RPS6KA2: variants seen among roughly 807,000 people sequenced by gnomAD.
The protein encoded by RPS6KA2 is ribosomal protein S6 kinase A2, also known as ribosomal protein S6 kinase alpha-2.
In RPS6KA2, 42 loss-of-function variants were observed where a neutral mutation model predicts 91.8. The observed-to-expected ratio is 0.46, with a 90% CI of 0.36 to 0.59. The LOEUF (loss-of-function observed/expected upper bound fraction) is 0.59, where lower values mean the gene tolerates loss of function less well. Among genes scored for constraint, RPS6KA2 ranks in the 20% least tolerant of loss-of-function variants. The pLI is 0.00. For synonymous variants in RPS6KA2, 414 were observed against 393.6 expected, an observed-to-expected ratio of 1.05 and a Z score of -0.61; for missense variants, 798 against 978.5, an observed-to-expected ratio of 0.82 and a Z score of 2.46.
chr6:166,597,453 G>A (rs148768811), intron 1 of RPS6KA2, among the ~76,000 whole-genome samples: 1,908 of 152,336 alleles, frequency 0.013, 29 homozygotes, highest in Non-Finnish European at 0.016. Flanking sequence ...GGAAAAGGAC[G>A]GCAGTGGAGC....
At chr6:166,746,996 T>C (rs977198622) in intron 2 of RPS6KA2, among the ~76,000 whole-genome samples, 1 of 152,340 alleles carries the variant, frequency 6.6e-6, no homozygotes, top group Admixed American at 6.5e-5. Context: ...CCGTGCCCTC[T>C]GGGCAGCACG....
chr6:166,585,080 G>GAA (rs1785126537), intron 1 of RPS6KA2, among the ~76,000 whole-genome samples: 1 of 152,030 alleles, frequency 6.6e-6, no homozygotes, highest in African/African-American at 2.4e-5. Flanking sequence ...TGGTGACGAT[G>GAA]TTGCTACAAC....
At position 166,690,871 on chromosome 6, in the gene RPS6KA2, G is replaced by C. The variant is rs867495828; in HGVS notation, c.124-152087C>G. On this transcript the variant is annotated intron_variant, in intron 2 of 21. Transcript: ENST00000503859. Reference sequence around the variant, plus strand: ...GACCACGGAGACCCTGAACAGGCATGCTGTGGACAGGTGTTTACAGGGCTT... The same window carrying C: ...GACCACGGAGACCCTGAACAGGCATCCTGTGGACAGGTGTTTACAGGGCTT... Among the ~76,000 whole-genome samples, 9 of 152,090 alleles carry C rather than the reference G, an allele frequency of 5.9e-5. No homozygotes were observed. In the South Asian group the frequency reaches 6.2e-4, roughly 11 times the overall value.
At chr6:166,472,951 G>A (rs946145167) in intron 10 of RPS6KA2, among the ~76,000 whole-genome samples, 11 of 152,044 alleles carry the variant, frequency 7.2e-5, no homozygotes. Flanking sequence ...CTTAATGCAG[G>A]GCAAATAGGA....
At position 166,635,096 on chromosome 6, in the gene RPS6KA2, G is replaced by A. The variant is rs896122119; in HGVS notation, c.124-96312C>T. 6.6e-5 allele frequency among the ~76,000 whole-genome samples: 10 copies of A among 152,002 alleles called. No homozygotes were observed. The highest frequency in any genetic ancestry group is 3.3e-4 in the Admixed American group (5 of 15,288). ...GATAACGGAGAGCCAACGGTAGTAC[G>A]TGAAAGTGACCGTGTGGGGCATACT... On this transcript the variant is annotated intron_variant, in intron 2 of 21. Coordinates refer to the RPS6KA2 transcript ENST00000503859. The surrounding 1 kb of genome is among the most constrained non-coding windows in gnomAD (Gnocchi z 4.8).
chr6:166,838,496 T>C (rs7738858), intron 2 of RPS6KA2, among the ~76,000 whole-genome samples: 7,949 of 152,196 alleles, frequency 0.052, 727 homozygotes, highest in African/African-American at 0.18. Context: ...AAAATACAAA[T>C]ATAAAACAAA....
At chr6:166,824,647 G>C (rs576356981) in intron 2 of RPS6KA2, among the ~76,000 whole-genome samples, 23 of 14,388 alleles carry the variant, frequency 1.6e-3, no homozygotes, top group African/African-American at 2.6e-3. Context: ...CTGTATGTCT[G>C]TGTGTGTGTG....
intron 2 of RPS6KA2, among the ~76,000 whole-genome samples, chr6:166,734,923 T>C (rs970118964): frequency 6.6e-6 from 1 of 152,254 alleles, no homozygotes; most frequent in Non-Finnish European, 1.5e-5. Flanking sequence ...TCCTATCCTC[T>C]TGTTATGGCA....
At chr6:166,534,421 A>G (rs941683940) in intron 2 of RPS6KA2, among the ~76,000 whole-genome samples, 3 of 152,066 alleles carry the variant, frequency 2.0e-5, no homozygotes, top group Non-Finnish European at 4.4e-5. Flanking sequence ...TACATGACGG[A>G]TTTGTGTTTG....
chr6:166,513,683 G>A (rs964178546), intron 3 of RPS6KA2, among the ~76,000 whole-genome samples: 2 of 152,196 alleles, frequency 1.3e-5, no homozygotes, highest in Non-Finnish European at 2.9e-5. Context: ...AAACGCTGGG[G>A]AGGAAAAGGG....
chr6:166,718,092 C>G (rs948963904), intron 2 of RPS6KA2, among the ~76,000 whole-genome samples: 3 of 152,222 alleles, frequency 2.0e-5, no homozygotes, highest in African/African-American at 7.2e-5. Context: ...TGGTGATCCA[C>G]CCACCTCGGC....
In RPS6KA2 at chr6:166,837,270, C is replaced by T. The variant is rs56107184; in HGVS notation, c.123+20930G>A. ...AGCAGCCTTCTCTAGGCTCTCCCAGCCCTTCCCCGGGGTGGAAGGCTCGGC... is the reference window on the plus strand; with the variant it reads ...AGCAGCCTTCTCTAGGCTCTCCCAGTCCTTCCCCGGGGTGGAAGGCTCGGC... On this transcript the variant is annotated intron_variant, in intron 2 of 21. Transcript: ENST00000503859. 4.6e-3 allele frequency among the ~76,000 whole-genome samples: 700 copies of T among 152,228 alleles called. 1 individual carries two copies. Among genetic ancestry groups the T allele is most frequent in the Non-Finnish European group, 7.4e-3 (502 of 67,992 alleles).
At chr6:166,659,081 C>T (rs114433100) in intron 2 of RPS6KA2, among the ~76,000 whole-genome samples, 1,594 of 152,192 alleles carry the variant, frequency 0.01, 29 homozygotes, top group African/African-American at 0.036. Flanking sequence ...CCTTTTGTGG[C>T]GCTTACATGG....
intron 8 of RPS6KA2, among the ~76,000 whole-genome samples, chr6:166,497,961 G>C (rs570182621): frequency 6.6e-6 from 1 of 151,450 alleles, no homozygotes; most frequent in Non-Finnish European, 1.5e-5. Flanking sequence ...GCCCAGCTGG[G>C]AGAGTGGGAT....
chr6:166,412,660 G>A lies in RPS6KA2; in HGVS notation c.*102C>T. On this transcript the variant is annotated 3_prime_UTR_variant, in exon 21 of 21. Transcript: ENST00000265678. The surrounding 1 kb of genome is among the most constrained non-coding windows in gnomAD (Gnocchi z 4.3). ...CGGCGAGGGCGGGCGCCGCCTCCCT[G>A]CTGGACTTGTGGTCACTCTGGGTGC... 8.1e-7 allele frequency: 1 copy of A among 1,238,008 alleles called. No individual in the cohort carries two copies. The highest frequency in any genetic ancestry group is 1.1e-6 in the Non-Finnish European group (1 of 912,620). The allele number at this position is 1,238,008 out of a possible 1,614,324, so 76.7% of individuals were successfully genotyped here. A position where few individuals can be genotyped will look rare whatever the true frequency, so the allele number is the denominator to read the frequency against.
At chr6:166,835,215 T>G (rs1780287590) in intron 2 of RPS6KA2, among the ~76,000 whole-genome samples, 1 of 152,252 alleles carries the variant, frequency 6.6e-6, no homozygotes, top group Non-Finnish European at 1.5e-5. Context: ...AGTATAGCTT[T>G]AAAAGACAGT....
intron 2 of RPS6KA2, among the ~76,000 whole-genome samples, chr6:166,659,929 T>C (rs957180291): frequency 9.9e-6 from 1 of 101,220 alleles, no homozygotes; most frequent in African/African-American, 4.1e-5. Flanking sequence ...ATTTTTTGTA[T>C]TTTTTTTTTT....
At chr6:166,586,272 T>C (rs1785169891) in intron 1 of RPS6KA2, 1 of 1,597,600 alleles carries the variant, frequency 6.3e-7, no homozygotes, top group African/African-American at 1.7e-5. Context: ...CCCCCATCTG[T>C]TGTCCCTGCC....
At chr6:166,487,239 C>T (rs1420556306) in intron 10 of RPS6KA2, among the ~76,000 whole-genome samples, 1 of 152,164 alleles carries the variant, frequency 6.6e-6, no homozygotes, top group East Asian at 1.9e-4. Context: ...TCCTGACACA[C>T]ACCCACGTGC....
Sources: gnomAD v4.1 joint callset for allele counts (sites outside exome capture counted in the v4.1 genomes callset) on GRCh38, gnomAD v4.1.1 for gene constraint, Gnocchi (gnomAD v3.1) non-coding constraint, MANE v1.5 for transcripts, NCBI Gene and HGNC (gene_info 2026-07-23, HGNC 2026-07-21) for gene names.